Variants in ZNF280D observed in about 807,000 individuals in gnomAD.
The protein encoded by ZNF280D is zinc finger protein 280D.
Under a neutral mutation model 94.7 loss-of-function variants are expected in ZNF280D, and 39 were observed. That is an observed-to-expected ratio of 0.41 (90% CI 0.32 to 0.54). ZNF280D has a LOEUF of 0.54. Ranked by LOEUF, ZNF280D falls within the 20% of genes least tolerant of loss-of-function variation. The probability of loss-of-function intolerance (pLI) is 0.22; values close to 1 mark genes in which losing one functional copy is unlikely to be tolerated. For synonymous variants in ZNF280D, 398 were observed against 377.6 expected (o/e 1.05, Z -0.63); for missense variants, 1,090 against 1,149.3 (o/e 0.95, Z 0.75).
At chr15:56,676,897 T>C in intron 12 of ZNF280D, 81 bp from the exon 13 acceptor site, 2 of 1,121,112 alleles carry the variant, frequency 1.8e-6, no homozygotes, top group African/African-American at 3.1e-5. Context: ...ATGGATAATT[T>C]GTCAGGAGAA....
intron 1 of ZNF280D, among the ~76,000 whole-genome samples, chr15:56,731,506 C>CAAAAAAAA (rs752976383): frequency 3.7e-5 from 3 of 80,848 alleles, no homozygotes; most frequent in Admixed American, 1.7e-4. Flanking sequence ...GTACCTATCT[C>CAAAAAAAA]AAAAAAAAAA....
At chr15:56,722,688 G>A (rs570705856) in intron 1 of ZNF280D, among the ~76,000 whole-genome samples, 1 of 152,280 alleles carries the variant, frequency 6.6e-6, no homozygotes, top group East Asian at 1.9e-4. Context: ...CAAGGATCTA[G>A]AACTAGACAT....
Position 56,653,617 on chromosome 15 carries a change from T to A in ZNF280D, c.2213+581A>T. The A allele has an allele frequency of 2.0e-6, 3 of 1,472,290 alleles. No homozygotes were observed. In the Middle Eastern group the frequency reaches 5.2e-4, roughly 257 times the overall value. 91.2% of individuals were successfully genotyped at this position (1,472,290 alleles called of 1,614,324 possible). A position where few individuals can be genotyped will look rare whatever the true frequency, so the allele number is the denominator to read the frequency against. ...TTCTGCATCTGAAAAATAAGAAAAA[T>A]AGCACAATGACAGACAACGAATGAG... On this transcript the variant is annotated intron_variant, in intron 19 of 21. Coordinates refer to ENST00000267807, the MANE Select transcript of ZNF280D (RefSeq NM_017661.4).
At chr15:56,712,639 C>T (rs1332792832) in intron 1 of ZNF280D, among the ~76,000 whole-genome samples, 1 of 142,672 alleles carries the variant, frequency 7.0e-6, no homozygotes, top group Non-Finnish European at 1.5e-5. Flanking sequence ...AGAAAAAACA[C>T]TCATTCTACA....
At chr15:56,684,391 A>G (rs1296484510) in intron 9 of ZNF280D, among the ~76,000 whole-genome samples, 5 of 152,246 alleles carry the variant, frequency 3.3e-5, no homozygotes, top group African/African-American at 1.2e-4. Context: ...GAGCAGTTGC[A>G]GATGAAAACA....
At chr15:56,656,481 A>G (rs1440524782) in intron 17 of ZNF280D, among the ~76,000 whole-genome samples, 3 of 152,220 alleles carry the variant, frequency 2.0e-5, no homozygotes, top group Admixed American at 1.3e-4. Flanking sequence ...TCATTCTTAG[A>G]ATGCAATAAA....
intron 7 of ZNF280D, among the ~76,000 whole-genome samples, chr15:56,690,554 T>C (rs1596515372): frequency 6.6e-6 from 1 of 152,222 alleles, no homozygotes. Flanking sequence ...TTTTCTTTTA[T>C]TTAAATTTTG....
intron 3 of ZNF280D, 33 bp from the exon 4 acceptor site, chr15:56,704,300 T>A: frequency 6.4e-7 from 1 of 1,567,760 alleles, no homozygotes; most frequent in South Asian, 1.2e-5. Context: ...TAAACCTCAT[T>A]TTTGAAAATA....
At chr15:56,700,905 C>T (rs748015545) in intron 6 of ZNF280D, 28 bp downstream of exon 6, 4 of 1,613,744 alleles carry the variant, frequency 2.5e-6, no homozygotes, top group Non-Finnish European at 3.4e-6. Flanking sequence ...GATCCCTGAG[C>T]TGGCCGTATA....
At chr15:56,642,863 C>T (rs1486529999) in intron 20 of ZNF280D, 89 bp downstream of exon 20, 2 of 776,308 alleles carry the variant, frequency 2.6e-6, no homozygotes, top group African/African-American at 1.8e-5. Flanking sequence ...TTGATGTATG[C>T]ATGCTGAAAT....
In ZNF280D at chr15:56,636,143, T is replaced by A. The variant is rs541596967; in HGVS notation, c.2260-893A>T. ...CAAGGGCAAAGAAATAAAATATTTT[T>A]ACTCATAAAGATGAAGAAAACACCA... On this transcript the variant is annotated intron_variant, in intron 20 of 21. Coordinates refer to ENST00000267807, the MANE Select transcript of ZNF280D (RefSeq NM_017661.4). Among the ~76,000 whole-genome samples, 6 of 152,316 alleles carry A rather than the reference T, an allele frequency of 3.9e-5. No homozygotes were observed. The South Asian group carries it at 1.0e-3, about 26-fold the overall frequency.
intron 14 of ZNF280D, 25 bp from the exon 15 acceptor site, chr15:56,667,011 C>T (rs1355420556): frequency 2.0e-6 from 3 of 1,504,550 alleles, no homozygotes; most frequent in Non-Finnish European, 2.7e-6. Flanking sequence ...AGAAGATTTG[C>T]TTTAAGAGAT....
chr15:56,675,119 A>G (rs1162636019), intron 13 of ZNF280D, among the ~76,000 whole-genome samples: 1 of 152,030 alleles, frequency 6.6e-6, no homozygotes, highest in African/African-American at 2.4e-5. Flanking sequence ...CAAACAAAAA[A>G]GAAAATTGGC....
chr15:56,704,293 A>G (rs773063405), intron 3 of ZNF280D, 26 bp from the exon 4 acceptor site: 1 of 1,579,858 alleles, frequency 6.3e-7, no homozygotes, highest in South Asian at 1.2e-5. Context: ...AGAGAAGTAA[A>G]CCTCATTTTT....
chr15:56,657,074 G>A (rs755713572), intron 17 of ZNF280D, among the ~76,000 whole-genome samples: 2 of 152,048 alleles, frequency 1.3e-5, no homozygotes, highest in African/African-American at 2.4e-5. Context: ...ATAAGTATTC[G>A]CTAAACTTAT....
chr15:56,653,537 G>A (rs1273024348), intron 19 of ZNF280D: 29 of 1,521,904 alleles, frequency 1.9e-5, no homozygotes, highest in East Asian at 2.5e-5. Context: ...TGTGTCCATC[G>A]AAGGGGGACA....
At chr15:56,649,609 G>GT (rs113795502) in intron 19 of ZNF280D, among the ~76,000 whole-genome samples, 236 of 142,528 alleles carry the variant, frequency 1.7e-3, no homozygotes, top group Middle Eastern at 3.6e-3. Flanking sequence ...AGATCAGTTT[G>GT]TTTTTTTTTT....
chr15:56,668,061 G>C (rs1270161905), intron 14 of ZNF280D: 5 of 431,566 alleles, frequency 1.2e-5, no homozygotes, highest in South Asian at 3.3e-5. Flanking sequence ...ATGCTGGATA[G>C]CTTCTCTTGC....
intron 10 of ZNF280D, among the ~76,000 whole-genome samples, chr15:56,680,899 A>G (rs2055571128): frequency 6.6e-6 from 1 of 152,190 alleles, no homozygotes; most frequent in African/African-American, 2.4e-5. Flanking sequence ...ACTGCTCTGC[A>G]TTTTACCATA....
Sources: allele counts gnomAD v4.1 joint callset (sites outside exome capture counted in the v4.1 genomes callset), GRCh38; gene constraint gnomAD v4.1.1; transcripts MANE v1.5; gene names NCBI Gene and HGNC (gene_info 2026-07-23, HGNC 2026-07-21).